Variants in FMN1 observed in about 807,000 individuals in gnomAD.
The protein encoded by FMN1 is formin 1, also known as formin-1.
A neutral mutation model predicts 132.4 loss-of-function variants in FMN1; 110 were observed. The observed-to-expected ratio is 0.83, with a 90% confidence interval of 0.71 to 0.97. The LOEUF (loss-of-function observed/expected upper bound fraction) is 0.97, where lower values mean the gene tolerates loss of function less well. Among genes scored for constraint, FMN1 ranks in the 50% least tolerant of loss-of-function variants. FMN1 has a pLI of 0.00. For missense variants in FMN1, 1,792 were observed against 1,705.3 expected (o/e 1.05, Z -0.90); for synonymous variants, 722 against 651.7 (o/e 1.11, Z -1.64).
rs1035433972 is a variant in FMN1, at chr15:33,179,923, T to C, written c.-132+275A>G. Reference sequence around the variant, plus strand: ...TCTGCCTTGAGTGACTAGAAAAAAGTAGGAAGCCTTAGATAAGTAAGGAGC... The same window carrying C: ...TCTGCCTTGAGTGACTAGAAAAAAGCAGGAAGCCTTAGATAAGTAAGGAGC... On this transcript the variant is annotated intron_variant, in intron 3 of 20. Coordinates refer to ENST00000616417, the MANE Select transcript of FMN1 (RefSeq NM_001277313.2). 9.9e-5 allele frequency among the ~76,000 whole-genome samples: 15 copies of C among 152,252 alleles called. No individual in the cohort carries two copies. The South Asian group carries it at 2.9e-3, about 29-fold the overall frequency.
intron 17 of FMN1, among the ~76,000 whole-genome samples, chr15:32,836,158 G>A (rs2058621750): frequency 6.6e-6 from 1 of 152,104 alleles, no homozygotes; most frequent in African/African-American, 2.4e-5. Context: ...ACTGCTCACA[G>A]CTGGGATTAC....
At position 32,929,038 on chromosome 15, in the gene FMN1, T is replaced by C. The variant is rs535378727; in HGVS notation, c.3139-2777A>G. 2.8e-4 allele frequency among the ~76,000 whole-genome samples: 42 copies of C among 152,220 alleles called. 1 individual carries two copies. Among genetic ancestry groups the C allele is most frequent in the Non-Finnish European group, 4.1e-4 (28 of 68,030 alleles). On this transcript the variant is annotated intron_variant, in intron 9 of 20. Coordinates refer to ENST00000616417, the MANE Select transcript of FMN1 (RefSeq NM_001277313.2). ...GAAAGGATGTTATCACCATAAGCCA[T>C]GCTTGGAATTTTGTCGAATGACTTG...
intron 4 of FMN1, among the ~76,000 whole-genome samples, chr15:33,096,383 T>C (rs1043400139): frequency 7.9e-5 from 12 of 152,128 alleles, no homozygotes; most frequent in Admixed American, 1.3e-4. Context: ...ATTACCTTGA[T>C]TGCCCAATGA....
intron 5 of FMN1, among the ~76,000 whole-genome samples, chr15:33,086,581 A>G (rs561299493): frequency 4.8e-4 from 67 of 139,270 alleles, no homozygotes; most frequent in Middle Eastern, 3.7e-3. Context: ...AGTATTTTTT[A>G]AAAACACAGA....
chr15:32,785,218 A>ATATATATATTTT (rs1444523400), intron 19 of FMN1, among the ~76,000 whole-genome samples: 15 of 39,202 alleles, frequency 3.8e-4, no homozygotes, highest in African/African-American at 7.2e-4. Flanking sequence ...ATATATATAT[A>ATATATATATTTT]TTTTTTTTTT....
At chr15:32,807,477 TTTAAG>T (rs2057721872) in intron 17 of FMN1, among the ~76,000 whole-genome samples, 1 of 152,216 alleles carries the variant, frequency 6.6e-6, no homozygotes, top group South Asian at 2.1e-4. Context: ...CTCCAGTGAT[TTTAAG>T]TTATGTGCAT....
At chr15:33,052,091 A>G (rs966631753) in intron 6 of FMN1, among the ~76,000 whole-genome samples, 1 of 152,192 alleles carries the variant, frequency 6.6e-6, no homozygotes, top group Non-Finnish European at 1.5e-5. Context: ...TAATTAGCAA[A>G]TGTGATAACC....
In FMN1 at chr15:33,142,960, C is replaced by T. The variant is rs1285581194; in HGVS notation, c.1867+10088G>A. ...GTGAAGTACATGAAACATTAAACCG[C>T]CTCTGGTTTCTGTTTCAAGTTTGAT... is the stretch of plus-strand genomic sequence containing the variant. On this transcript the variant is annotated intron_variant, in intron 4 of 20. Transcript: ENST00000616417. 3.9e-5 allele frequency among the ~76,000 whole-genome samples: 6 copies of T among 152,198 alleles called. No individual in the cohort carries two copies. In the East Asian group the frequency reaches 1.2e-3, roughly 29 times the overall value.
At chr15:33,191,983 C>T (rs1047559357) in intron 2 of FMN1, among the ~76,000 whole-genome samples, 6 of 152,222 alleles carry the variant, frequency 3.9e-5, no homozygotes, top group Non-Finnish European at 8.8e-5. Flanking sequence ...AATAGCTACT[C>T]TTAAAACCAG....
intron 17 of FMN1, among the ~76,000 whole-genome samples, chr15:32,827,080 A>C (rs1223057288): frequency 6.6e-6 from 1 of 152,162 alleles, no homozygotes; most frequent in Admixed American, 6.5e-5. Context: ...GCTCCCTTTC[A>C]TGAACAGGTT....
intron 18 of FMN1, 72 bp from the exon 19 acceptor site, chr15:32,799,025 G>T: frequency 8.0e-7 from 1 of 1,254,404 alleles, no homozygotes; most frequent in Non-Finnish European, 1.1e-6. Flanking sequence ...CCATTAGAGG[G>T]GGGATGCTGG....
At chr15:33,126,250 T>TG (rs1258036864) in intron 4 of FMN1, among the ~76,000 whole-genome samples, 1 of 152,092 alleles carries the variant, frequency 6.6e-6, no homozygotes, top group Non-Finnish European at 1.5e-5. Flanking sequence ...AGAAGGAAGA[T>TG]GGGTGGAAAG....
At position 32,893,415 on chromosome 15, in the gene FMN1, G is replaced by T. The variant is rs548989668; in HGVS notation, c.3715-5123C>A. Among the ~76,000 whole-genome samples the T allele has an allele frequency of 1.2e-3, 182 of 152,064 alleles. 1 individual carries two copies. The highest frequency in any genetic ancestry group is 4.2e-3 in the African/African-American group (175 of 41,304). On this transcript the variant is annotated intron_variant, in intron 15 of 20. Transcript: ENST00000616417. Reference sequence around the variant, plus strand: ...GTGCGCGCGCTAGAAAAAAGGAAATGTTGCTGAGTGTATCAGGCTGGTAGC... The same window carrying T: ...GTGCGCGCGCTAGAAAAAAGGAAATTTTGCTGAGTGTATCAGGCTGGTAGC...
intron 4 of FMN1, among the ~76,000 whole-genome samples, chr15:33,114,730 T>C (rs17235638): frequency 0.32 from 48,004 of 152,174 alleles, 9,361 homozygotes; most frequent in South Asian, 0.42. Flanking sequence ...ATATTTCTCA[T>C]CACCTGACAG....
At chr15:32,945,720 T>C (rs1429282153) in intron 9 of FMN1, among the ~76,000 whole-genome samples, 1 of 152,160 alleles carries the variant, frequency 6.6e-6, no homozygotes, top group Non-Finnish European at 1.5e-5. Context: ...TTAGAGGGTA[T>C]CCACGATGCA....
At chr15:32,924,870 C>T (rs536211156) in intron 10 of FMN1, among the ~76,000 whole-genome samples, 2 of 152,134 alleles carry the variant, frequency 1.3e-5, no homozygotes, top group East Asian at 1.9e-4. Context: ...GCCGAGATCA[C>T]GCCACTGCAC....
intron 16 of FMN1, among the ~76,000 whole-genome samples, chr15:32,886,009 A>T (rs1473413053): frequency 6.6e-6 from 1 of 152,086 alleles, no homozygotes; most frequent in Non-Finnish European, 1.5e-5. Flanking sequence ...TCAATTAAAC[A>T]TTCAATCTCA....
intron 4 of FMN1, among the ~76,000 whole-genome samples, chr15:33,124,673 A>G (rs1595527296): frequency 6.6e-6 from 1 of 152,074 alleles, no homozygotes; most frequent in Non-Finnish European, 1.5e-5. Flanking sequence ...AATATCTGAG[A>G]TTATTCCTTT....
chr15:33,054,418 G>A (rs895779236), intron 6 of FMN1, among the ~76,000 whole-genome samples: 3 of 151,910 alleles, frequency 2.0e-5, no homozygotes, highest in Admixed American at 6.6e-5. Flanking sequence ...TATGACTATG[G>A]CATCATTTCA....
Sources: allele counts gnomAD v4.1 joint callset (sites outside exome capture counted in the v4.1 genomes callset), GRCh38; gene constraint gnomAD v4.1.1; transcripts MANE v1.5; gene names NCBI Gene and HGNC (gene_info 2026-07-23, HGNC 2026-07-21).